The following DYM variants were observed in gnomAD, a reference collection of about 807,000 sequenced individuals.
DYM encodes the protein dyggve-Melchior-Clausen syndrome protein.
Under a neutral mutation model 93.1 loss-of-function variants are expected in DYM, and 78 were observed. The ratio of observed to expected loss-of-function variants is 0.84; its 90% confidence interval spans 0.70 to 1.01. The LOEUF is 1.01. Among genes scored for constraint, DYM ranks in the 50% least tolerant of loss-of-function variants. The pLI, the probability that DYM is intolerant of heterozygous loss-of-function variation, is 0.00. For synonymous variants in DYM, 321 were observed against 319.7 expected (o/e 1.00, Z -0.04); for missense variants, 789 against 845.0 (o/e 0.93, Z 0.82).
chr18:49,353,264 C>T (rs943153333), intron 6 of DYM, among the ~76,000 whole-genome samples: 2 of 151,996 alleles, frequency 1.3e-5, no homozygotes, highest in African/African-American at 2.4e-5. Flanking sequence ...TAAAATACAT[C>T]GTAAAACTTT....
At chr18:49,397,914 T>G (rs183099477) in intron 2 of DYM, among the ~76,000 whole-genome samples, 1 of 152,354 alleles carries the variant, frequency 6.6e-6, no homozygotes, top group African/African-American at 2.4e-5. Context: ...TTTTTCAATG[T>G]GGCTACTAGA....
At chr18:49,183,833 G>T (rs74562807) in intron 14 of DYM, among the ~76,000 whole-genome samples, 1,528 of 152,198 alleles carry the variant, frequency 0.01, 41 homozygotes, top group South Asian at 0.075. Context: ...GGTTAATGAG[G>T]TCATAAGGGT....
intron 13 of DYM, among the ~76,000 whole-genome samples, chr18:49,242,613 C>T (rs1313623629): frequency 6.6e-6 from 1 of 152,204 alleles, no homozygotes; most frequent in South Asian, 2.1e-4. Flanking sequence ...GAGTCAAGTT[C>T]GATGAAGGAA....
intron 17 of DYM, among the ~76,000 whole-genome samples, chr18:49,075,118 C>T (rs905680721): frequency 2.6e-5 from 4 of 152,126 alleles, no homozygotes; most frequent in African/African-American, 7.2e-5. Flanking sequence ...TGAACAGAGA[C>T]GAACAGCATA....
At chr18:49,407,534 G>A (rs2071645783) in intron 2 of DYM, among the ~76,000 whole-genome samples, 1 of 152,104 alleles carries the variant, frequency 6.6e-6, no homozygotes, top group African/African-American at 2.4e-5. Flanking sequence ...CAAGGCAAGA[G>A]AAGAAGCAAG....
rs565387 is a variant in DYM at position 49,257,278 on chromosome 18, T to A, written c.1366-174A>T. 0.16 allele frequency among the ~76,000 whole-genome samples: 24,314 copies of A among 152,078 alleles called. 2,089 individuals carry two copies. The highest frequency in any genetic ancestry group is 0.18 in the African/African-American group (7,419 of 41,460). On this transcript the variant is annotated intron_variant, in intron 12 of 17. Coordinates refer to ENST00000675505, the MANE Select transcript of DYM (RefSeq NM_001353214.3). ...CCATAAAGCACTGAAAATTCAAAGT[T>A]TTTTCCACAACACAAAAAATGATGA... is the stretch of plus-strand genomic sequence containing the variant.
intron 1 of DYM, among the ~76,000 whole-genome samples, chr18:49,452,939 G>A (rs2082649530): frequency 7.5e-6 from 1 of 132,678 alleles, no homozygotes; most frequent in African/African-American, 3.0e-5. Context: ...CCTGTGTCTA[G>A]GCTCAGGGTT....
chr18:49,240,114 T>C (rs763665780), intron 13 of DYM, among the ~76,000 whole-genome samples: 1 of 152,182 alleles, frequency 6.6e-6, no homozygotes, highest in Non-Finnish European at 1.5e-5. Flanking sequence ...AATACAAATA[T>C]AGTTAAATAT....
At chr18:49,410,533 T>C (rs933123914) in intron 2 of DYM, among the ~76,000 whole-genome samples, 5 of 151,836 alleles carry the variant, frequency 3.3e-5, no homozygotes, top group Admixed American at 1.3e-4. Context: ...AAAAAAGTCT[T>C]ATTATATACA....
At chr18:49,050,474 G>A (rs2072278245) in intron 17 of DYM, among the ~76,000 whole-genome samples, 1 of 152,158 alleles carries the variant, frequency 6.6e-6, no homozygotes, top group Non-Finnish European at 1.5e-5. Flanking sequence ...CATCTATGAA[G>A]GGGTAACTTC....
chr18:49,071,818 T>C (rs2076913560), intron 17 of DYM, among the ~76,000 whole-genome samples: 1 of 152,196 alleles, frequency 6.6e-6, no homozygotes, highest in Admixed American at 6.5e-5. Flanking sequence ...AGGACAATAA[T>C]GGTAAGACTA....
intron 17 of DYM, among the ~76,000 whole-genome samples, chr18:49,065,229 G>T (rs1340358499): frequency 6.6e-6 from 1 of 152,248 alleles, no homozygotes; most frequent in Non-Finnish European, 1.5e-5. Context: ...AGAAATCAGG[G>T]ATATAAACTA....
chr18:49,295,126 A>T (rs755846007), intron 8 of DYM, among the ~76,000 whole-genome samples: 2 of 152,194 alleles, frequency 1.3e-5, no homozygotes, highest in African/African-American at 4.8e-5. Flanking sequence ...TTTTACTTCC[A>T]TCATGACCCA....
chr18:49,242,217 G>A (rs2094029629), intron 13 of DYM, among the ~76,000 whole-genome samples: 1 of 152,176 alleles, frequency 6.6e-6, no homozygotes, highest in Non-Finnish European at 1.5e-5. Flanking sequence ...TTTGAGACCA[G>A]CCTGGCCAAC....
At position 49,245,371 on chromosome 18, in the gene DYM, T is replaced by C. The variant is rs149560462; in HGVS notation, c.1460+11639A>G. ...GGGTCAGGCAGAATAGAGCCATATTTTTCTTCTTGCAGAAAGCGAGTAGGA... is the reference window on the plus strand; with the variant it reads ...GGGTCAGGCAGAATAGAGCCATATTCTTCTTCTTGCAGAAAGCGAGTAGGA... On this transcript the variant is annotated intron_variant, in intron 13 of 17. Transcript: ENST00000675505. Among the ~76,000 whole-genome samples the C allele has an allele frequency of 9.2e-3, 1,402 of 152,302 alleles. 12 individuals carry two copies. The highest frequency in any genetic ancestry group is 0.03 in the South Asian group (146 of 4,830).
At chr18:49,438,244 G>T (rs946793559) in intron 1 of DYM, among the ~76,000 whole-genome samples, 5 of 152,108 alleles carry the variant, frequency 3.3e-5, no homozygotes, top group African/African-American at 1.2e-4. Flanking sequence ...TATGAATAAA[G>T]CCTACAAGCA....
At chr18:49,069,583 T>A (rs1306147249) in intron 17 of DYM, among the ~76,000 whole-genome samples, 1 of 152,240 alleles carries the variant, frequency 6.6e-6, no homozygotes, top group African/African-American at 2.4e-5. Flanking sequence ...AAACAACACA[T>A]ATACTTATAA....
intron 17 of DYM, among the ~76,000 whole-genome samples, chr18:49,080,202 T>G (rs1374772921): frequency 2.7e-5 from 2 of 73,238 alleles, no homozygotes; most frequent in East Asian, 5.0e-4. Flanking sequence ...TCTGGCCGGG[T>G]GGGGGGCTGA....
intron 5 of DYM, among the ~76,000 whole-genome samples, chr18:49,375,154 C>A (rs368822109): frequency 6.6e-6 from 1 of 150,632 alleles, no homozygotes; most frequent in African/African-American, 2.4e-5. Flanking sequence ...CCCCTAAACA[C>A]CTGGGGCTCT....
Sources: allele counts gnomAD v4.1 joint callset (sites outside exome capture counted in the v4.1 genomes callset), GRCh38; gene constraint gnomAD v4.1.1; transcripts MANE v1.5; gene names NCBI Gene and HGNC (gene_info 2026-07-23, HGNC 2026-07-21).